The following LRP1B variants were observed in gnomAD, a reference collection of about 807,000 sequenced individuals.
LRP1B encodes LDL receptor related protein 1B.
In LRP1B, 217 loss-of-function variants were observed where a neutral mutation model predicts 556.6. The observed-to-expected ratio is 0.39, with a 90% CI of 0.35 to 0.44. The LOEUF (loss-of-function observed/expected upper bound fraction) is 0.44, where lower values mean the gene tolerates loss of function less well. Ranked by LOEUF, LRP1B falls within the 20% of genes least tolerant of loss-of-function variation. The pLI is 1.00. For synonymous variants in LRP1B, 2,047 were observed against 1,865.8 expected (o/e 1.10, Z -2.50); for missense variants, 5,053 against 5,620.8 (o/e 0.90, Z 3.23).
At position 140,481,428 on chromosome 2, in the gene LRP1B, C is replaced by T. The variant is rs183842167; in HGVS notation, c.9425+3915G>A. Among the ~76,000 whole-genome samples, 126 of 151,992 alleles carry T rather than the reference C, an allele frequency of 8.3e-4. 1 individual carries two copies. Among genetic ancestry groups the T allele is most frequent in the African/African-American group, 2.9e-3 (121 of 41,478 alleles). On this transcript the variant is annotated intron_variant, in intron 59 of 90. Transcript: ENST00000389484. ...TTCTGAGAAAGTCACTTAGCCAGTTCGTGGTTAAATGTGCCTATCTAAACT... is the reference window on the plus strand; with the variant it reads ...TTCTGAGAAAGTCACTTAGCCAGTTTGTGGTTAAATGTGCCTATCTAAACT...
intron 25 of LRP1B, among the ~76,000 whole-genome samples, chr2:140,876,730 T>G (rs1014207896): frequency 3.3e-5 from 5 of 152,154 alleles, no homozygotes; most frequent in Non-Finnish European, 1.5e-5. Flanking sequence ...GGCTCAACTT[T>G]AAAATAGTCT....
chr2:140,342,081 G>A (rs1681423526), intron 77 of LRP1B, among the ~76,000 whole-genome samples: 1 of 151,430 alleles, frequency 6.6e-6, no homozygotes, highest in African/African-American at 2.4e-5. Flanking sequence ...AGCAGATGCT[G>A]GTGAGGCTAT....
rs538101657 is a variant in LRP1B at position 140,400,110 on chromosome 2, G to T, written c.10415-14101C>A. Among the ~76,000 whole-genome samples, 3 of 152,032 alleles carry T rather than the reference G, an allele frequency of 2.0e-5. No individual in the cohort carries two copies. The South Asian group carries it at 6.2e-4, about 32-fold the overall frequency. On this transcript the variant is annotated intron_variant, in intron 66 of 90. Transcript: ENST00000389484. ...TGATGAAGACTTTTTCTGGTGTATG[G>T]ATCTGAAATATATGATGTCAGTGCC...
rs1694229961 is a variant in LRP1B at position 140,905,656 on chromosome 2, G to T, written c.3520+2221C>A. 2.0e-5 allele frequency among the ~76,000 whole-genome samples: 3 copies of T among 152,012 alleles called. No homozygotes were observed. In the South Asian group the frequency reaches 6.2e-4, roughly 31 times the overall value. ...TGTTAAGCACCAGTTATCTAACCCA[G>T]GTGGCGTAATCTTGTGGAGCAGCCC... On this transcript the variant is annotated intron_variant, in intron 22 of 90. Coordinates refer to ENST00000389484, the MANE Select transcript of LRP1B (RefSeq NM_018557.3).
In LRP1B at chr2:140,951,888, G is replaced by C. The variant is rs1171123264; in HGVS notation, c.2940C>G (p.Cys980Trp). ...LTQFVCKSGR[C>W]ISSKWHCDSD... ...AGTCGCAGTGCCATTTGCTGCTAAT[G>C]CATCTTCCACTTTTGCATACGAATT... The change falls in exon 19 of 91, where the codon TGC becomes TGG. Residue 980 changes from cysteine (C) to tryptophan (W), a missense_variant. Cys to Trp is a radical substitution (Grantham distance 215). This residue lies in a region of LRP1B where 3,619 missense variants were observed against 3,931.9 expected (regional missense o/e 0.92). Coordinates refer to ENST00000389484, the MANE Select transcript of LRP1B (RefSeq NM_018557.3). 6.2e-7 allele frequency: 1 copy of C among 1,613,762 alleles called. No homozygotes were observed. The highest frequency in any genetic ancestry group is 8.5e-7 in the Non-Finnish European group (1 of 1,179,794).
At chr2:140,558,272 G>A (rs1383343571) in intron 43 of LRP1B, among the ~76,000 whole-genome samples, 1 of 152,046 alleles carries the variant, frequency 6.6e-6, no homozygotes, top group Non-Finnish European at 1.5e-5. Context: ...CAAGTAAAAT[G>A]AAAATATATG....
chr2:141,906,746 A>G (rs772023484), intron 1 of LRP1B, among the ~76,000 whole-genome samples: 4 of 152,190 alleles, frequency 2.6e-5, no homozygotes, highest in Admixed American at 6.6e-5. Flanking sequence ...GTGTGCATGC[A>G]TATTTGTGTA....
intron 2 of LRP1B, among the ~76,000 whole-genome samples, chr2:141,558,686 A>G (rs16846463): frequency 0.071 from 10,843 of 151,908 alleles, 485 homozygotes; most frequent in Non-Finnish European, 0.099. Flanking sequence ...GAAGTAATTC[A>G]GCTAAGATCA....
Position 141,277,590 on chromosome 2 carries a change from T to A in LRP1B, c.344-22949A>T, listed in dbSNP as rs117361918. Among the ~76,000 whole-genome samples, 260 of 151,948 alleles carry A rather than the reference T, an allele frequency of 1.7e-3. 4 individuals carry two copies. The highest frequency in any genetic ancestry group is 0.013 in the Admixed American group (201 of 15,252). Reference sequence around the variant, plus strand: ...TGATTAAAACTTTAACTTTTGGGAATAAAAGATAGCAGATTATATAATCAG... The same window carrying A: ...TGATTAAAACTTTAACTTTTGGGAAAAAAAGATAGCAGATTATATAATCAG... On this transcript the variant is annotated intron_variant, in intron 3 of 90. Transcript: ENST00000389484.
intron 3 of LRP1B, among the ~76,000 whole-genome samples, chr2:141,262,529 T>G (rs1008056939): frequency 8.5e-5 from 13 of 152,198 alleles, no homozygotes; most frequent in Admixed American, 4.6e-4. Flanking sequence ...CAATTTAGCC[T>G]ATACTTCTTC....
At position 140,506,790 on chromosome 2, in the gene LRP1B, A is replaced by G. The variant is rs1453410843; in HGVS notation, c.8521+6T>C. 1 of 1,610,520 alleles carries G rather than the reference A, an allele frequency of 6.2e-7. No homozygotes were observed. The highest frequency in any genetic ancestry group is 8.5e-7 in the Non-Finnish European group (1 of 1,178,776). On this transcript the variant is annotated splice_donor_region_variant and intron_variant, in intron 53 of 90. Coordinates refer to ENST00000389484, the MANE Select transcript of LRP1B (RefSeq NM_018557.3). ...ATCTCCTTCATGAAGTTTTAGATGT[A>G]CTTACCACACTGCGGTGACTCATCA...
At chr2:141,065,971 T>G (rs1236392087) in intron 7 of LRP1B, among the ~76,000 whole-genome samples, 1 of 151,934 alleles carries the variant, frequency 6.6e-6, no homozygotes, top group African/African-American at 2.4e-5. Context: ...TTAAAAATCT[T>G]TCTTTGTTCT....
intron 3 of LRP1B, among the ~76,000 whole-genome samples, chr2:141,387,440 GA>G (rs1470350365): frequency 4.0e-5 from 6 of 151,622 alleles, no homozygotes; most frequent in African/African-American, 7.3e-5. Context: ...ACAACAAGGG[GA>G]AAAAAAGAGA....
At chr2:142,047,719 G>A (rs1574630470) in intron 1 of LRP1B, among the ~76,000 whole-genome samples, 1 of 151,884 alleles carries the variant, frequency 6.6e-6, no homozygotes, top group Middle Eastern at 3.4e-3. Context: ...TGGACGTGAT[G>A]CATAACACCT....
At chr2:140,786,177 C>T (rs1332761476) in intron 32 of LRP1B, among the ~76,000 whole-genome samples, 3 of 152,184 alleles carry the variant, frequency 2.0e-5, no homozygotes, top group Admixed American at 6.5e-5. Context: ...TTTCCATCTC[C>T]AGATCTGTGA....
intron 3 of LRP1B, among the ~76,000 whole-genome samples, chr2:141,468,382 T>G (rs1682325348): frequency 6.6e-6 from 1 of 152,180 alleles, no homozygotes; most frequent in African/African-American, 2.4e-5. Context: ...TAAGTTATTT[T>G]TAATTCTCTA....
At chr2:141,402,193 T>A (rs1690473926) in intron 3 of LRP1B, among the ~76,000 whole-genome samples, 1 of 152,170 alleles carries the variant, frequency 6.6e-6, no homozygotes, top group African/African-American at 2.4e-5. Context: ...CTCATGTATT[T>A]TAGCATAGAT....
At chr2:140,748,418 ATATATAT>A (rs1559094172) in intron 35 of LRP1B, among the ~76,000 whole-genome samples, 1 of 97,320 alleles carries the variant, frequency 1.0e-5, no homozygotes, top group African/African-American at 3.6e-5. Flanking sequence ...TTCATATATA[ATATATAT>A]TATATTTATA....
chr2:141,189,268 C>G (rs982928180), intron 6 of LRP1B, among the ~76,000 whole-genome samples: 1 of 151,874 alleles, frequency 6.6e-6, no homozygotes, highest in Non-Finnish European at 1.5e-5. Context: ...GTGAGGTATG[C>G]AAAATTAATC....
Sources: allele counts gnomAD v4.1 joint callset (sites outside exome capture counted in the v4.1 genomes callset), GRCh38; gene constraint gnomAD v4.1.1; regional missense constraint gnomAD v4.1.1; transcripts MANE v1.5; gene names NCBI Gene and HGNC (gene_info 2026-07-23, HGNC 2026-07-21).